The following DNM3 variants were observed in gnomAD, a reference collection of about 807,000 sequenced individuals.
DNM3 encodes the protein dynamin-3.
In DNM3, 47 loss-of-function variants were observed where a neutral mutation model predicts 101.6. The ratio of observed to expected loss-of-function variants is 0.46; its 90% CI spans 0.37 to 0.59. DNM3 has a LOEUF of 0.59. Among genes scored for constraint, DNM3 ranks in the 20% least tolerant of loss-of-function variants. The probability of loss-of-function intolerance (pLI) is 0.00; values close to 1 mark genes in which losing one functional copy is unlikely to be tolerated. For missense variants in DNM3, 849 were observed against 1,085.7 expected (o/e 0.78, Z 3.06); for synonymous variants, 385 against 387.9 (o/e 0.99, Z 0.09).
At chr1:172,388,506 A>C in intron 19 of DNM3, 67 bp from the exon 20 acceptor site, 1 of 1,364,280 alleles carries the variant, frequency 7.3e-7, no homozygotes, top group Non-Finnish European at 1.0e-6. Context: ...AAGTTACAAA[A>C]CATTTTTAGA....
intron 13 of DNM3, among the ~76,000 whole-genome samples, chr1:172,116,112 G>C (rs1471928166): frequency 6.6e-6 from 1 of 152,202 alleles, no homozygotes; most frequent in African/African-American, 2.4e-5. Context: ...TATGTAAATA[G>C]TGTTCTGATA....
At chr1:172,308,236 A>C (rs2064929071) in intron 15 of DNM3, among the ~76,000 whole-genome samples, 1 of 152,096 alleles carries the variant, frequency 6.6e-6, no homozygotes, top group Admixed American at 6.6e-5. Context: ...CCTATTAAAC[A>C]CTGGTTATCA....
At chr1:171,995,107 T>G (rs567736519) in intron 4 of DNM3, among the ~76,000 whole-genome samples, 22 of 144,636 alleles carry the variant, frequency 1.5e-4, no homozygotes, top group South Asian at 4.6e-4. Flanking sequence ...TTTTTTTTTT[T>G]TTTTTTTTTT....
chr1:172,173,458 T>C (rs1358815746), intron 14 of DNM3, among the ~76,000 whole-genome samples: 1 of 151,366 alleles, frequency 6.6e-6, no homozygotes, highest in Admixed American at 6.6e-5. Context: ...AGACATCCAA[T>C]TGAAAATACA....
At chr1:172,284,360 T>C (rs1406878549) in intron 15 of DNM3, among the ~76,000 whole-genome samples, 1 of 152,168 alleles carries the variant, frequency 6.6e-6, no homozygotes, top group African/African-American at 2.4e-5. Context: ...GAGGAAAATG[T>C]CATTGGGATA....
chr1:172,017,611 A>G (rs909960853), intron 4 of DNM3, among the ~76,000 whole-genome samples: 2 of 152,152 alleles, frequency 1.3e-5, no homozygotes, highest in Non-Finnish European at 2.9e-5. Context: ...GTTAGTGTCT[A>G]TCTTCGTGAG....
chr1:172,241,058 T>C (rs1451011332), intron 14 of DNM3, among the ~76,000 whole-genome samples: 39 of 152,064 alleles, frequency 2.6e-4, no homozygotes, highest in Admixed American at 2.6e-3. Flanking sequence ...ATAGAGGTAG[T>C]TTGTAAAAGT....
intron 17 of DNM3, among the ~76,000 whole-genome samples, chr1:172,335,865 A>C (rs1209779493): frequency 6.6e-6 from 1 of 152,142 alleles, no homozygotes; most frequent in Non-Finnish European, 1.5e-5. Context: ...GGGTGACAGG[A>C]TCATTTGGAC....
At chr1:172,124,046 G>A (rs553019457) in intron 13 of DNM3, among the ~76,000 whole-genome samples, 2 of 152,300 alleles carry the variant, frequency 1.3e-5, no homozygotes, top group African/African-American at 2.4e-5. Context: ...AAGGTTACAC[G>A]TTTGCTCCTT....
intron 14 of DNM3, among the ~76,000 whole-genome samples, chr1:172,178,260 A>G (rs900349455): frequency 2.0e-5 from 3 of 151,984 alleles, no homozygotes; most frequent in African/African-American, 4.8e-5. Context: ...ATATGGCTGT[A>G]ATAAGAAGAA....
At chr1:171,973,009 G>A (rs1280122950) in intron 2 of DNM3, among the ~76,000 whole-genome samples, 2 of 152,244 alleles carry the variant, frequency 1.3e-5, no homozygotes, top group South Asian at 2.1e-4. Context: ...GAAAGTTTCC[G>A]TGGCTTTTCT....
At chr1:172,344,581 T>C (rs2066845769) in intron 17 of DNM3, among the ~76,000 whole-genome samples, 1 of 152,240 alleles carries the variant, frequency 6.6e-6, no homozygotes. Flanking sequence ...CCAGTGGCTA[T>C]AAGAAGCCTG....
At chr1:172,298,939 T>A (rs2064303124) in intron 15 of DNM3, among the ~76,000 whole-genome samples, 1 of 151,946 alleles carries the variant, frequency 6.6e-6, no homozygotes, top group South Asian at 2.1e-4. Context: ...TGCATAATTC[T>A]GAAATCACAA....
intron 17 of DNM3, among the ~76,000 whole-genome samples, chr1:172,335,840 C>G (rs1469518303): frequency 6.6e-6 from 1 of 152,018 alleles, no homozygotes; most frequent in Admixed American, 6.5e-5. Flanking sequence ...TTTTTGGGTA[C>G]TATGCTCAGT....
At chr1:172,305,622 C>A (rs1335977944) in intron 15 of DNM3, among the ~76,000 whole-genome samples, 1 of 152,110 alleles carries the variant, frequency 6.6e-6, no homozygotes, top group Non-Finnish European at 1.5e-5. Flanking sequence ...AACATCGATG[C>A]AAAAATCCTC....
intron 14 of DNM3, chr1:172,144,635 G>C (rs1297535049): frequency 1.9e-6 from 1 of 533,104 alleles, no homozygotes; most frequent in Non-Finnish European, 3.9e-6. Flanking sequence ...AGGATCTCCA[G>C]AAGCTTCCTT....
rs183494179 is a variant in DNM3, at chr1:171,924,542, G to A, written c.235+2721G>A. ...CACCTTCTTCACAAGGTGGCAGGAAGGAGAAGAGCCAAGCAAAGGGGAGGA... is the reference window on the plus strand; with the variant it reads ...CACCTTCTTCACAAGGTGGCAGGAAAGAGAAGAGCCAAGCAAAGGGGAGGA... On this transcript the variant is annotated intron_variant, in intron 2 of 20. Coordinates refer to ENST00000627582, the MANE Select transcript of DNM3 (RefSeq NM_015569.5). 1.7e-4 allele frequency among the ~76,000 whole-genome samples: 26 copies of A among 152,302 alleles called. No homozygotes were observed. The East Asian group carries it at 4.8e-3, about 28-fold the overall frequency.
intron 16 of DNM3, chr1:172,311,342 G>A (rs549982438): frequency 1.6e-4 from 25 of 151,790 alleles, no homozygotes; most frequent in African/African-American, 6.0e-4. Context: ...GTGTGTGTGT[G>A]TCTGCCTTAA....
chr1:172,307,444 A>G (rs1406300165), intron 15 of DNM3, among the ~76,000 whole-genome samples: 1 of 152,224 alleles, frequency 6.6e-6, no homozygotes, highest in African/African-American at 2.4e-5. Flanking sequence ...AACTAGTTCA[A>G]CCATTGTGGA....
Sources: gnomAD v4.1 joint callset for allele counts (sites outside exome capture counted in the v4.1 genomes callset) on GRCh38, gnomAD v4.1.1 for gene constraint, MANE v1.5 for transcripts, NCBI Gene and HGNC (gene_info 2026-07-23, HGNC 2026-07-21) for gene names.